GAL3ST2: variants seen among roughly 807,000 people sequenced by gnomAD.
GAL3ST2 encodes beta-galactose-3-O-sulfotransferase 2.
In GAL3ST2, 16 loss-of-function variants were observed where a neutral mutation model predicts 12.9. That is an observed-to-expected ratio of 1.24 (90% CI 0.84 to 1.88). The LOEUF is 1.88. Among genes scored for constraint, GAL3ST2 ranks in the 40% most tolerant of loss-of-function variants. GAL3ST2 has a pLI of 0.00. For missense variants in GAL3ST2, 639 were observed against 571.8 expected (o/e 1.12, Z -1.20); for synonymous variants, 302 against 273.9 (o/e 1.10, Z -1.01).
rs1003967516 is a variant in GAL3ST2 at position 241,795,703 on chromosome 2, C to G, written c.30-3362C>G. ...GCCCAATGGCAGAGCAGGAGCTCCG[C>G]TCTCAGTGTGGGGCCTCGTTTGGGT... On this transcript the variant is annotated intron_variant, in intron 1 of 3. Transcript: ENST00000192314. The surrounding 1 kb of genome is among the most constrained non-coding windows in gnomAD (Gnocchi z 4.5). 4.6e-5 allele frequency among the ~76,000 whole-genome samples: 7 copies of G among 152,260 alleles called. No individual in the cohort carries two copies. Among genetic ancestry groups the G allele is most frequent in the African/African-American group, 1.7e-4 (7 of 41,474 alleles).
Position 241,801,581 on chromosome 2 carries a change from G to T in GAL3ST2, c.120-200G>T. The T allele has an allele frequency of 1.5e-6, 1 of 648,926 alleles. No homozygotes were observed. The highest frequency in any genetic ancestry group is 2.6e-6 in the Non-Finnish European group (1 of 383,198). The allele number at this position is 648,926 out of a possible 1,614,324, so 40.2% of individuals were successfully genotyped here. A position where few individuals can be genotyped will look rare whatever the true frequency, so the allele number is the denominator to read the frequency against. ...GAGACAGTTGGGGGAGTTTGTGTTCGGGCCACCAGCTGGGAGGTTGTGGAG... is the reference window on the plus strand; with the variant it reads ...GAGACAGTTGGGGGAGTTTGTGTTCTGGCCACCAGCTGGGAGGTTGTGGAG... On this transcript the variant is annotated intron_variant, in intron 2 of 3. Coordinates refer to ENST00000192314, the MANE Select transcript of GAL3ST2 (RefSeq NM_022134.3). The surrounding 1 kb of genome is among the most constrained non-coding windows in gnomAD (Gnocchi z 4.4).
chr2:241,786,139 T>TTGTGTGTGTGTGTGTGTG (rs141438054), intron 1 of GAL3ST2, among the ~76,000 whole-genome samples: 4 of 145,860 alleles, frequency 2.7e-5, no homozygotes, highest in South Asian at 2.2e-4. Flanking sequence ...CACACACCTT[T>TTGTGTGTGTGTGTGTGTG]TGTGTGTGTG....
intron 1 of GAL3ST2, among the ~76,000 whole-genome samples, chr2:241,777,205 T>A (rs1699499142): frequency 6.6e-6 from 1 of 152,128 alleles, no homozygotes; most frequent in Non-Finnish European, 1.5e-5. Context: ...TGTTTGGGGG[T>A]TCTGGGATGT....
intron 1 of GAL3ST2, among the ~76,000 whole-genome samples, chr2:241,798,502 C>T (rs1699802482): frequency 6.6e-6 from 1 of 152,176 alleles, no homozygotes; most frequent in Non-Finnish European, 1.5e-5. Flanking sequence ...TCTTCCTTGT[C>T]TTAGAAGGAC....
rs190821423 is a variant in GAL3ST2 at position 241,791,198 on chromosome 2, C to A, written c.30-7867C>A. Among the ~76,000 whole-genome samples the A allele has an allele frequency of 1.7e-3, 265 of 152,310 alleles. 1 individual carries two copies. The highest frequency in any genetic ancestry group is 6.2e-3 in the African/African-American group (256 of 41,566). On this transcript the variant is annotated intron_variant, in intron 1 of 3. Transcript: ENST00000192314. ...ACTCATTTTGGCTCAGAATAGATCT[C>A]TGCAATTATTTTACAATTTGACTCT...
At position 241,803,345 on chromosome 2, in the gene GAL3ST2, G is replaced by A; in HGVS notation, c.376G>A (p.Val126Met). ...CNHLRFNLPQ[V>M]QKVMPNDTFY... Reference sequence around the variant, plus strand: ...AGCCCGCCTCTCTGTCGCCACACAGGTGCAGAAAGTCATGCCCAACGACAC... The same window carrying A: ...AGCCCGCCTCTCTGTCGCCACACAGATGCAGAAAGTCATGCCCAACGACAC... The change falls in exon 4 of 4, where the codon GTG (valine) becomes ATG (methionine). Residue 126 changes from valine to methionine, a missense_variant and splice_region_variant. Transcript: ENST00000192314. The A allele has an allele frequency of 6.3e-7, 1 of 1,594,018 alleles. No individual in the cohort carries two copies. Among genetic ancestry groups the A allele is most frequent in the South Asian group, 1.1e-5 (1 of 89,124 alleles).
rs970251522 is a variant in GAL3ST2 at position 241,795,239 on chromosome 2, C to T, written c.30-3826C>T. ...CACTGACCACCCTACCTGACCCCTG[C>T]AGGTGTGGGACCAGCAGGTCTTTTG... On this transcript the variant is annotated intron_variant, in intron 1 of 3. Coordinates refer to ENST00000192314, the MANE Select transcript of GAL3ST2 (RefSeq NM_022134.3). The surrounding 1 kb of genome is among the most constrained non-coding windows in gnomAD (Gnocchi z 4.5). 3.3e-5 allele frequency among the ~76,000 whole-genome samples: 5 copies of T among 152,192 alleles called. No individual in the cohort carries two copies. Among genetic ancestry groups the T allele is most frequent in the Admixed American group, 1.3e-4 (2 of 15,282 alleles).
chr2:241,798,099 A>G (rs1405369780), intron 1 of GAL3ST2, among the ~76,000 whole-genome samples: 1 of 152,282 alleles, frequency 6.6e-6, no homozygotes, highest in Admixed American at 6.5e-5. Flanking sequence ...GGCTTTGCCC[A>G]GAGGATGGGG....
At chr2:241,794,378 C>T (rs749324668) in intron 1 of GAL3ST2, among the ~76,000 whole-genome samples, 12 of 152,330 alleles carry the variant, frequency 7.9e-5, no homozygotes, top group East Asian at 1.9e-4. Flanking sequence ...CTTGCAGGGC[C>T]GAGGCCTGGT....
intron 1 of GAL3ST2, among the ~76,000 whole-genome samples, chr2:241,778,663 G>A (rs996156635): frequency 1.3e-4 from 20 of 152,128 alleles, no homozygotes; most frequent in Non-Finnish European, 2.8e-4. Flanking sequence ...GGGTGAGGAC[G>A]TGCACCCATG....
At chr2:241,791,604 T>C (rs1424540140) in intron 1 of GAL3ST2, among the ~76,000 whole-genome samples, 1 of 152,186 alleles carries the variant, frequency 6.6e-6, no homozygotes, top group Non-Finnish European at 1.5e-5. Flanking sequence ...TCATAGGTAT[T>C]TGATGGCACA....
intron 1 of GAL3ST2, among the ~76,000 whole-genome samples, chr2:241,798,320 G>GC (rs1410541843): frequency 6.6e-6 from 1 of 152,202 alleles, no homozygotes; most frequent in African/African-American, 2.4e-5. Flanking sequence ...AGACAGGCTG[G>GC]CCCCAGCAGC....
chr2:241,790,852 T>C (rs1379506382), intron 1 of GAL3ST2, among the ~76,000 whole-genome samples: 3 of 152,194 alleles, frequency 2.0e-5, no homozygotes, highest in South Asian at 2.1e-4. Flanking sequence ...CTTTGAAGTC[T>C]GCTATCTGAG....
rs1699724050 is a variant in GAL3ST2 at position 241,793,434 on chromosome 2, CGT to C, written c.30-5628_30-5627del. Among the ~76,000 whole-genome samples the C allele has an allele frequency of 6.7e-6, 1 of 148,992 alleles. No homozygotes were observed. The highest frequency in any genetic ancestry group is 2.5e-5 in the African/African-American group (1 of 39,918). On this transcript the variant is annotated intron_variant, in intron 1 of 3. Transcript: ENST00000192314. This position sits in a 1 kb window ranked among gnomAD's most constrained non-coding sequence, Gnocchi z 4.7. Reference sequence around the variant, plus strand: ...TACATGTACGTGTGTATATTGTGTACGTGTATGTATGTACTGTGTATGCGTGT... The same window carrying C: ...TACATGTACGTGTGTATATTGTGTACGTATGTATGTACTGTGTATGCGTGT...
chr2:241,777,166 T>G (rs1699498691), intron 1 of GAL3ST2, among the ~76,000 whole-genome samples, 182 bp downstream of exon 1: 1 of 152,188 alleles, frequency 6.6e-6, no homozygotes, highest in Non-Finnish European at 1.5e-5. Context: ...AGGGGGCCCC[T>G]CCTGCCCAGG....
chr2:241,801,666 TGGGG>T lies in GAL3ST2; in HGVS notation c.120-112_120-109del, dbSNP rs754883187. ...CCCAGTTGGCCCCCTGGCCTAGAGT[TGGGG>T]GGCTCAGGTTGGGAGGTCTCTCCTT... On this transcript the variant is annotated intron_variant, in intron 2 of 3. Coordinates refer to ENST00000192314, the MANE Select transcript of GAL3ST2 (RefSeq NM_022134.3). This position sits in a 1 kb window ranked among gnomAD's most constrained non-coding sequence, Gnocchi z 4.4. The T allele has an allele frequency of 5.5e-5, 75 of 1,353,432 alleles. No homozygotes were observed. The highest frequency in any genetic ancestry group is 7.1e-5 in the Non-Finnish European group (73 of 1,028,246). 83.8% of individuals were successfully genotyped at this position (1,353,432 alleles called of 1,614,324 possible).
intron 1 of GAL3ST2, among the ~76,000 whole-genome samples, chr2:241,794,730 T>C (rs1368041652): frequency 1.3e-5 from 2 of 152,170 alleles, no homozygotes; most frequent in African/African-American, 4.8e-5. Flanking sequence ...GTCCCCACGG[T>C]TGTGAGTCCC....
chr2:241,777,831 G>T (rs1228763210), intron 1 of GAL3ST2, among the ~76,000 whole-genome samples: 6 of 152,140 alleles, frequency 3.9e-5, no homozygotes, highest in African/African-American at 1.2e-4. Flanking sequence ...GGGGAATCAG[G>T]CTCACTTGAT....
intron 1 of GAL3ST2, among the ~76,000 whole-genome samples, chr2:241,794,167 T>C (rs1699741538): frequency 6.6e-6 from 1 of 152,058 alleles, no homozygotes; most frequent in African/African-American, 2.4e-5. Context: ...AGGCTGGTCT[T>C]GAACTCCTTG....
Sources: allele counts gnomAD v4.1 joint callset (sites outside exome capture counted in the v4.1 genomes callset), GRCh38; gene constraint gnomAD v4.1.1; non-coding constraint Gnocchi (gnomAD v3.1); transcripts MANE v1.5; gene names NCBI Gene and HGNC (gene_info 2026-07-23, HGNC 2026-07-21).